The following EIF4G3 variants were observed in gnomAD, a reference collection of about 807,000 sequenced individuals.
EIF4G3 encodes eukaryotic translation initiation factor 4 gamma 3, also known as eIF-4-gamma 3.
EIF4G3 carries 34 observed loss-of-function variants against 186.4 expected under a neutral mutation model. That is an observed-to-expected ratio of 0.18 (90% confidence interval 0.14 to 0.24). The LOEUF (loss-of-function observed/expected upper bound fraction) is 0.24. Ranked by LOEUF, EIF4G3 falls within the 10% of genes least tolerant of loss-of-function variation. EIF4G3 has a pLI of 1.00. For missense variants in EIF4G3, 1,536 were observed against 1,948.5 expected (o/e 0.79, Z 3.99); for synonymous variants, 673 against 679.5 (o/e 0.99, Z 0.15).
intron 2 of EIF4G3, among the ~76,000 whole-genome samples, chr1:21,166,592 G>A (rs190224149): frequency 6.6e-6 from 1 of 152,146 alleles, no homozygotes; most frequent in East Asian, 1.9e-4. Flanking sequence ...CCAATGTGGT[G>A]GCGTGCACCT....
intron 14 of EIF4G3, among the ~76,000 whole-genome samples, chr1:20,928,232 ACAACAATAG>A (rs1216301617): frequency 6.6e-6 from 1 of 152,162 alleles, no homozygotes; most frequent in Non-Finnish European, 1.5e-5. Flanking sequence ...ATTTATTTAT[ACAACAATAG>A]CATGTGTCAA....
intron 4 of EIF4G3, among the ~76,000 whole-genome samples, chr1:21,013,621 C>A (rs894037120): frequency 1.3e-4 from 20 of 152,150 alleles, no homozygotes; most frequent in African/African-American, 4.6e-4. Flanking sequence ...GGACAAAAGA[C>A]AAAGGGCAGA....
intron 2 of EIF4G3, among the ~76,000 whole-genome samples, chr1:21,156,636 G>A (rs1470596908): frequency 6.6e-6 from 1 of 152,010 alleles, no homozygotes; most frequent in Non-Finnish European, 1.5e-5. Context: ...TCAAAACCCT[G>A]GAGTCAACTT....
intron 14 of EIF4G3, among the ~76,000 whole-genome samples, chr1:20,907,633 C>T (rs930437442): frequency 8.7e-5 from 13 of 150,024 alleles, no homozygotes; most frequent in African/African-American, 3.2e-4. Flanking sequence ...TGAGTGAGAA[C>T]ATGTGGTGTT....
Position 21,068,375 on chromosome 1 carries a change from T to TAA in EIF4G3, c.-195-17383_-195-17382dup, listed in dbSNP as rs869306512. Among the ~76,000 whole-genome samples the TAA allele has an allele frequency of 3.2e-3, 215 of 67,822 alleles. 9 individuals carry two copies. In the Middle Eastern group the frequency reaches 0.038, roughly 12 times the overall value. 44.5% of individuals were successfully genotyped at this position (67,822 alleles called of 152,430 possible). ...GGGCGACAGAGTGAAACTCTGTCTTTAAAAAAAAAAAAAAAAAAAAAAAAA... is the reference window on the plus strand; with the variant it reads ...GGGCGACAGAGTGAAACTCTGTCTTTAAAAAAAAAAAAAAAAAAAAAAAAAAA... On this transcript the variant is annotated intron_variant, in intron 3 of 36. Coordinates refer to ENST00000602326, the MANE Select transcript of EIF4G3 (RefSeq NM_001391906.1).
intron 2 of EIF4G3, among the ~76,000 whole-genome samples, chr1:21,141,479 A>AG (rs1350127136): frequency 1.2e-4 from 18 of 149,008 alleles, no homozygotes; most frequent in African/African-American, 4.4e-4. Flanking sequence ...TCCTACCAAG[A>AG]GAAAAAAAAA....
At chr1:20,825,068 A>G in intron 33 of EIF4G3, 32 bp downstream of exon 33, 1 of 1,459,838 alleles carries the variant, frequency 6.9e-7, no homozygotes, top group Non-Finnish European at 9.5e-7. Context: ...ATCAACTACT[A>G]TCAAACAGCA....
intron 2 of EIF4G3, among the ~76,000 whole-genome samples, chr1:21,134,485 A>G (rs2097204374): frequency 6.6e-6 from 1 of 152,142 alleles, no homozygotes; most frequent in Non-Finnish European, 1.5e-5. Flanking sequence ...CCTAGCCAAC[A>G]TGGTGAAACC....
At chr1:20,923,809 C>CTATATATATATATATATATA (rs10587649) in intron 14 of EIF4G3, among the ~76,000 whole-genome samples, 11 of 143,880 alleles carry the variant, frequency 7.6e-5, no homozygotes, top group African/African-American at 2.8e-4. Flanking sequence ...TTACCCATCC[C>CTATATATATATATATATATA]TATATATATA....
At chr1:20,808,517 TA>T (rs2058581219) in intron 36 of EIF4G3, among the ~76,000 whole-genome samples, 1 of 151,882 alleles carries the variant, frequency 6.6e-6, no homozygotes, top group Admixed American at 6.6e-5. Flanking sequence ...CCGTCTCTAC[TA>T]AACATACAAA....
chr1:21,156,145 C>CAA (rs59684532), intron 2 of EIF4G3, among the ~76,000 whole-genome samples: 8 of 145,232 alleles, frequency 5.5e-5, no homozygotes, highest in South Asian at 2.2e-4. Context: ...AAAAAAACAA[C>CAA]AAAAAAAAAC....
chr1:21,024,250 C>T (rs1571219272), intron 4 of EIF4G3, among the ~76,000 whole-genome samples: 2 of 151,320 alleles, frequency 1.3e-5, no homozygotes, highest in African/African-American at 4.9e-5. Flanking sequence ...CCAGCCGCCC[C>T]GTCCGGGAGG....
intron 20 of EIF4G3, among the ~76,000 whole-genome samples, chr1:20,870,269 T>C (rs951885242): frequency 1.6e-4 from 25 of 152,156 alleles, no homozygotes; most frequent in Non-Finnish European, 2.5e-4. Context: ...ATTCTCCTCA[T>C]GCTTTGCTTT....
At chr1:20,912,208 T>C (rs1012315797) in intron 14 of EIF4G3, among the ~76,000 whole-genome samples, 8 of 152,196 alleles carry the variant, frequency 5.3e-5, no homozygotes, top group Non-Finnish European at 1.2e-4. Flanking sequence ...GCCTGGGACA[T>C]TGAGGCTGCA....
rs148054662 is a variant in EIF4G3 at position 21,045,936 on chromosome 1, C to T, written c.-67+4930G>A. Among the ~76,000 whole-genome samples, 298 of 152,278 alleles carry T rather than the reference C, an allele frequency of 2.0e-3. 1 individual carries two copies. The highest frequency in any genetic ancestry group is 6.6e-3 in the African/African-American group (276 of 41,568). ...GAAGTCTTAAAGAAAATTCTGATCTCATCTAACAAAAGCTGCTCATTCACA... is the reference window on the plus strand; with the variant it reads ...GAAGTCTTAAAGAAAATTCTGATCTTATCTAACAAAAGCTGCTCATTCACA... On this transcript the variant is annotated intron_variant, in intron 4 of 36. Coordinates refer to ENST00000602326, the MANE Select transcript of EIF4G3 (RefSeq NM_001391906.1).
chr1:21,058,117 A>C (rs1288292610), intron 3 of EIF4G3, among the ~76,000 whole-genome samples: 1 of 152,202 alleles, frequency 6.6e-6, no homozygotes, highest in Non-Finnish European at 1.5e-5. Flanking sequence ...ATAATAAATA[A>C]AATATGGAAA....
intron 2 of EIF4G3, among the ~76,000 whole-genome samples, chr1:21,145,547 G>C (rs1037566998): frequency 6.6e-6 from 1 of 151,718 alleles, no homozygotes; most frequent in African/African-American, 2.4e-5. Flanking sequence ...TTACTGGTTT[G>C]AGTCACCCCA....
chr1:21,039,246 C>CA (rs201173690), intron 4 of EIF4G3, among the ~76,000 whole-genome samples: 4 of 151,820 alleles, frequency 2.6e-5, no homozygotes, highest in East Asian at 1.9e-4. Flanking sequence ...AGCCACATGC[C>CA]AAAAAAACGA....
chr1:21,099,949 C>G (rs983313823), intron 2 of EIF4G3, among the ~76,000 whole-genome samples: 7 of 151,866 alleles, frequency 4.6e-5, no homozygotes, highest in Non-Finnish European at 8.8e-5. Context: ...TATATAATAG[C>G]AAAAAAGTGG....
Sources: allele counts gnomAD v4.1 joint callset (sites outside exome capture counted in the v4.1 genomes callset), GRCh38; gene constraint gnomAD v4.1.1; transcripts MANE v1.5; gene names NCBI Gene and HGNC (gene_info 2026-07-23, HGNC 2026-07-21).